Variants in PLCH1 observed in about 807,000 individuals in gnomAD.
PLCH1 encodes the protein 1-phosphatidylinositol 4,5-bisphosphate phosphodiesterase eta-1.
PLCH1 carries 60 observed loss-of-function variants against 126.7 expected under a neutral mutation model. The ratio of observed to expected loss-of-function variants is 0.47; its 90% CI spans 0.38 to 0.59. The LOEUF (loss-of-function observed/expected upper bound fraction) is 0.59. Among genes scored for constraint, PLCH1 ranks in the 20% least tolerant of loss-of-function variants. The pLI is 0.00. For missense variants in PLCH1, 1,723 were observed against 2,040.0 expected (o/e 0.84, Z 2.99); for synonymous variants, 719 against 734.9 (o/e 0.98, Z 0.35).
At chr3:155,527,205 T>A (rs6441000) in intron 10 of PLCH1, among the ~76,000 whole-genome samples, 129,452 of 152,204 alleles carry the variant, frequency 0.85, 56,012 homozygotes, top group Middle Eastern at 0.95. Context: ...TCTTAAAACA[T>A]AGGGATGGAG....
At chr3:155,596,445 A>C in intron 2 of PLCH1, 67 bp from the exon 3 acceptor site, 4 of 1,367,840 alleles carry the variant, frequency 2.9e-6, no homozygotes, top group Non-Finnish European at 3.0e-6. Flanking sequence ...TCCAGGTTTT[A>C]GAGTCAAATA....
chr3:155,463,890 G>A (rs1229542398), intron 21 of PLCH1, among the ~76,000 whole-genome samples: 3 of 152,174 alleles, frequency 2.0e-5, no homozygotes, highest in Non-Finnish European at 2.9e-5. Context: ...AACTGGGATA[G>A]TAGACTGTTT....
At chr3:155,720,321 T>A (rs192362008) in intron 1 of PLCH1, among the ~76,000 whole-genome samples, 27 of 152,360 alleles carry the variant, frequency 1.8e-4, no homozygotes, top group Admixed American at 5.2e-4. Context: ...GTTGTATTAG[T>A]TTACATTCCC....
In PLCH1 at chr3:155,482,474, C is replaced by G; in HGVS notation, c.3552G>C (p.Pro1184=). Residue 1184 remains proline (P), a synonymous_variant, in exon 23 of 23, where the codon CCG becomes CCC. Coordinates refer to ENST00000460012, the MANE Select transcript of PLCH1 (RefSeq NM_014996.4). ...CAATCAGGGCTGAGATGGAACTGCC[C>G]GGCTCATTCTCATTTGTTAAAGTGA... ...DNVTLTNENE[P]GSSISALIGQ... 6.2e-7 allele frequency: 1 copy of G among 1,614,002 alleles called. No individual in the cohort carries two copies. Among genetic ancestry groups the G allele is most frequent in the Non-Finnish European group, 8.5e-7 (1 of 1,179,968 alleles).
chr3:155,568,451 G>T (rs1040543039), intron 6 of PLCH1, 127 bp from the exon 7 acceptor site: 10 of 452,942 alleles, frequency 2.2e-5, no homozygotes, highest in Admixed American at 4.3e-5. Context: ...CATTGTTTGG[G>T]GTTATTAGTG....
At chr3:155,677,869 C>A (rs1744213462) in intron 2 of PLCH1, among the ~76,000 whole-genome samples, 1 of 152,070 alleles carries the variant, frequency 6.6e-6, no homozygotes, top group Non-Finnish European at 1.5e-5. Flanking sequence ...CTAAATAATC[C>A]AAGTATTTAA....
At position 155,596,367 on chromosome 3, in the gene PLCH1, T is replaced by C. The variant is rs1479393585; in HGVS notation, c.91A>G (p.Met31Val). 9.9e-6 allele frequency: 16 copies of C among 1,611,878 alleles called. No individual in the cohort carries two copies. Among genetic ancestry groups the C allele is most frequent in the African/African-American group, 2.7e-5 (2 of 74,862 alleles). ...DNSVFHVERCMSVMQSGTQMI... is the reference protein window; with the variant it reads ...DNSVFHVERCVSVMQSGTQMI... Reference sequence around the variant, plus strand: ...TGTGTCCCGGACTGCATCACACTCATGCATCTTTCAACTGCAAAAGAAATT... The same window carrying C: ...TGTGTCCCGGACTGCATCACACTCACGCATCTTTCAACTGCAAAAGAAATT... Residue 31 changes from methionine to valine, a missense_variant, in exon 3 of 23, where the codon ATG becomes GTG. Around this residue, in one of 2 missense-constraint regions of PLCH1, gnomAD observed 776 missense variants for 1,062.9 expected, o/e 0.73. Coordinates refer to ENST00000460012, the MANE Select transcript of PLCH1 (RefSeq NM_014996.4).
Position 155,497,384 on chromosome 3 carries a change from G to C in PLCH1, c.1830C>G (p.Cys610Trp). ...ACACAACCAAATCAGAGAGTTCTCGGCAGAGCTTCATGGTTTTCCTTCGGC... is the reference window on the plus strand; with the variant it reads ...ACACAACCAAATCAGAGAGTTCTCGCCAGAGCTTCATGGTTTTCCTTCGGC... ...LGRRRKTMKLCRELSDLVVYT... is the reference protein window; with the variant it reads ...LGRRRKTMKLWRELSDLVVYT... Residue 610 changes from cysteine to tryptophan, a missense_variant, in exon 15 of 23, where the codon TGC becomes TGG. Coordinates refer to ENST00000460012, the MANE Select transcript of PLCH1 (RefSeq NM_014996.4). The C allele has an allele frequency of 6.2e-7, 1 of 1,613,818 alleles. No individual in the cohort carries two copies. The highest frequency in any genetic ancestry group is 8.5e-7 in the Non-Finnish European group (1 of 1,179,740).
At chr3:155,592,713 T>C (rs359566) in intron 4 of PLCH1, among the ~76,000 whole-genome samples, 93,134 of 151,980 alleles carry the variant, frequency 0.61, 29,727 homozygotes, top group Middle Eastern at 0.76. Context: ...AGGTCTCTTG[T>C]TTATGAGAAA....
rs903110297 is a variant in PLCH1 at position 155,573,001 on chromosome 3, G to T, written c.772-4677C>A. Among the ~76,000 whole-genome samples the T allele has an allele frequency of 2.1e-4, 32 of 152,154 alleles. 1 individual carries two copies. The highest frequency in any genetic ancestry group is 7.5e-4 in the African/African-American group (31 of 41,528). On this transcript the variant is annotated intron_variant, in intron 6 of 22. Transcript: ENST00000460012. ...GGCCTCAAGCAATCTTCCCACCTTGGCCTCCCAATGTGCTGGAATTTTAAG... is the reference window on the plus strand; with the variant it reads ...GGCCTCAAGCAATCTTCCCACCTTGTCCTCCCAATGTGCTGGAATTTTAAG...
At chr3:155,537,218 A>AAAAAAAAAAAAAAAAAAAC (rs1723535123) in intron 10 of PLCH1, among the ~76,000 whole-genome samples, 1 of 9,964 alleles carries the variant, frequency 1.0e-4, no homozygotes, top group Non-Finnish European at 1.5e-3. Context: ...AAAAAAAAAA[A>AAAAAAAAAAAAAAAAAAAC]AAAAAAAAAA....
chr3:155,473,349 C>G (rs1713372461), intron 21 of PLCH1, among the ~76,000 whole-genome samples: 2 of 152,202 alleles, frequency 1.3e-5, no homozygotes, highest in South Asian at 2.1e-4. Flanking sequence ...AATAAAATAC[C>G]TAGGAATCCA....
At chr3:155,578,841 C>T (rs1468002661) in intron 6 of PLCH1, among the ~76,000 whole-genome samples, 1 of 152,132 alleles carries the variant, frequency 6.6e-6, no homozygotes, top group Non-Finnish European at 1.5e-5. Flanking sequence ...AGCCCTTCCA[C>T]CCATAAAACC....
At chr3:155,642,594 C>T (rs555438388) in intron 2 of PLCH1, among the ~76,000 whole-genome samples, 1 of 152,274 alleles carries the variant, frequency 6.6e-6, no homozygotes, top group East Asian at 1.9e-4. Flanking sequence ...CTGTGGAGGG[C>T]CCAAATAGAA....
intron 10 of PLCH1, among the ~76,000 whole-genome samples, chr3:155,525,943 T>C (rs1721836763): frequency 6.6e-6 from 1 of 152,214 alleles, no homozygotes; most frequent in Admixed American, 6.5e-5. Flanking sequence ...CCAAATTATA[T>C]TCAAAAACAG....
intron 2 of PLCH1, among the ~76,000 whole-genome samples, chr3:155,623,904 G>C (rs1399705089): frequency 6.6e-6 from 1 of 152,110 alleles, no homozygotes; most frequent in Non-Finnish European, 1.5e-5. Flanking sequence ...ATTTTACGAG[G>C]CCAGCATTAT....
At chr3:155,613,516 A>G (rs2108742647) in intron 2 of PLCH1, among the ~76,000 whole-genome samples, 1 of 152,306 alleles carries the variant, frequency 6.6e-6, no homozygotes. Context: ...GTCAATAAAT[A>G]TGTTACACCA....
chr3:155,554,078 A>G lies in PLCH1; in HGVS notation c.1188T>C (p.Asn396=). 4.3e-6 allele frequency: 7 copies of G among 1,613,752 alleles called. No individual in the cohort carries two copies. Among genetic ancestry groups the G allele is most frequent in the Non-Finnish European group, 5.9e-6 (7 of 1,179,782 alleles). The stretch of plus-strand genomic sequence containing the variant: ...CTCACAGGTGCTGCTTTACTTACTC[A>G]TTCTTCACAAAGGCATGCTTGTTGA... ...ETINKHAFVK[N]EFPVILSIEN... The change falls in exon 9 of 23, where the codon AAT becomes AAC. Residue 396 remains asparagine, a splice_region_variant and synonymous_variant. Coordinates refer to ENST00000460012, the MANE Select transcript of PLCH1 (RefSeq NM_014996.4).
chr3:155,673,177 T>A (rs185464610), intron 2 of PLCH1, among the ~76,000 whole-genome samples: 1 of 148,692 alleles, frequency 6.7e-6, no homozygotes, highest in Admixed American at 6.8e-5. Context: ...ACACCTGACA[T>A]CATCCTCATC....
Sources: allele counts gnomAD v4.1 joint callset (sites outside exome capture counted in the v4.1 genomes callset), GRCh38; gene constraint gnomAD v4.1.1; regional missense constraint gnomAD v4.1.1; transcripts MANE v1.5; gene names NCBI Gene and HGNC (gene_info 2026-07-23, HGNC 2026-07-21).